Variants in AKAP11 observed in about 807,000 individuals in gnomAD.
The protein encoded by AKAP11 is A-kinase anchoring protein 11, also known as A-kinase anchor protein 11.
In AKAP11, 36 loss-of-function variants were observed where a neutral mutation model predicts 146.1. That is an observed-to-expected ratio of 0.25 (90% CI 0.19 to 0.33). The LOEUF (loss-of-function observed/expected upper bound fraction) is 0.33. Ranked by LOEUF, AKAP11 falls within the 10% of genes least tolerant of loss-of-function variation. The pLI is 1.00. For missense variants in AKAP11, 2,201 were observed against 2,197.0 expected, an observed-to-expected ratio of 1.00 and a Z score of -0.04; for synonymous variants, 780 against 786.5, an observed-to-expected ratio of 0.99 and a Z score of 0.14.
chr13:42,305,622 C>T (rs544891174), intron 8 of AKAP11, among the ~76,000 whole-genome samples: 1 of 151,950 alleles, frequency 6.6e-6, no homozygotes, highest in Non-Finnish European at 1.5e-5. Flanking sequence ...ATTGGGACAC[C>T]ACCATGCTCA....
At chr13:42,291,452 T>C (rs980118884) in intron 3 of AKAP11, among the ~76,000 whole-genome samples, 3 of 152,074 alleles carry the variant, frequency 2.0e-5, no homozygotes, top group Admixed American at 1.3e-4. Flanking sequence ...GGGCTTTCGC[T>C]ATGTTGGCCA....
intron 8 of AKAP11, among the ~76,000 whole-genome samples, chr13:42,304,262 G>A (rs528363131): frequency 7.9e-5 from 12 of 152,304 alleles, no homozygotes; most frequent in African/African-American, 2.4e-4. Context: ...TAAGCGATTC[G>A]TAAGTTTTAA....
chr13:42,319,143 T>C lies in AKAP11; in HGVS notation c.5621T>C (p.Val1874Ala). Residue 1874 changes from valine to alanine, a missense_variant, in exon 13 of 13, where the codon GTG becomes GCG. By Grantham distance (64) the Val-to-Ala change is moderately conservative. Coordinates refer to ENST00000025301, the MANE Select transcript of AKAP11 (RefSeq NM_016248.4). ...AAAGTGGGAGACCTCCTGCAGGCTG[T>C]GCTTCAATACTATGAAGTGATGGAA... ...GWKVGDLLQA[V>A]LQYYEVMEKA... 6.2e-7 allele frequency: 1 copy of C among 1,614,078 alleles called. No homozygotes were observed. Among genetic ancestry groups the C allele is most frequent in the Non-Finnish European group, 8.5e-7 (1 of 1,179,956 alleles).
chr13:42,274,120 A>G (rs1192811562), intron 1 of AKAP11, among the ~76,000 whole-genome samples: 1 of 152,194 alleles, frequency 6.6e-6, no homozygotes, highest in Non-Finnish European at 1.5e-5. Flanking sequence ...TGGTTTTTCA[A>G]AAGTAATTGA....
At chr13:42,287,038 A>G (rs958985114) in intron 3 of AKAP11, among the ~76,000 whole-genome samples, 3 of 152,170 alleles carry the variant, frequency 2.0e-5, no homozygotes, top group African/African-American at 7.2e-5. Flanking sequence ...CTTACACATT[A>G]AGACAATATT....
chr13:42,271,718 C>T (rs1358301731), upstream of AKAP11, among the ~76,000 whole-genome samples: 1 of 152,082 alleles, frequency 6.6e-6, no homozygotes, highest in Non-Finnish European at 1.5e-5. Flanking sequence ...AGGGTTAAGC[C>T]GTTTCCAAGG....
chr13:42,304,833 C>T (rs1476636028), intron 8 of AKAP11, among the ~76,000 whole-genome samples: 1 of 152,070 alleles, frequency 6.6e-6, no homozygotes, highest in East Asian at 1.9e-4. Flanking sequence ...TCACTGCAAC[C>T]TTTGCCTCCC....
At chr13:42,281,683 CTG>C (rs1474485964) in intron 1 of AKAP11, among the ~76,000 whole-genome samples, 1 of 151,972 alleles carries the variant, frequency 6.6e-6, no homozygotes, top group Non-Finnish European at 1.5e-5. Context: ...AAACCAATGT[CTG>C]TACTCATCTA....
At chr13:42,297,212 T>C (rs774160030) in intron 6 of AKAP11, 30 bp downstream of exon 6, 1 of 1,383,980 alleles carries the variant, frequency 7.2e-7, no homozygotes, top group Non-Finnish European at 9.6e-7. Flanking sequence ...TCTAATGAGA[T>C]TTTTAGGGCA....
chr13:42,311,009 G>A (rs1362862127), intron 9 of AKAP11, among the ~76,000 whole-genome samples: 1 of 132,112 alleles, frequency 7.6e-6, no homozygotes, highest in South Asian at 2.5e-4. Flanking sequence ...GATCAGAAAA[G>A]AACTGGTCTC....
At position 42,300,572 on chromosome 13, in the gene AKAP11, A is replaced by T; in HGVS notation, c.1826A>T (p.Glu609Val). The T allele has an allele frequency of 1.2e-6, 2 of 1,614,020 alleles. No homozygotes were observed. The highest frequency in any genetic ancestry group is 2.2e-5 in the South Asian group (2 of 91,032). The change falls in exon 8 of 13, where the codon GAA (glutamate) becomes GTA (valine). Residue 609 changes from glutamate to valine, a missense_variant. Coordinates refer to ENST00000025301, the MANE Select transcript of AKAP11 (RefSeq NM_016248.4). ...AGGCAGCGTGCATTTTCACTAAAAG[A>T]ACGTGCCATTAGTGGCCTGGCTAAC... is the stretch of plus-strand genomic sequence containing the variant. ...LRRQRAFSLK[E>V]RAISGLANFL...
intron 6 of AKAP11, 22 bp from the exon 7 acceptor site, chr13:42,298,511 A>T: frequency 6.2e-7 from 1 of 1,601,828 alleles, no homozygotes; most frequent in Middle Eastern, 1.7e-4. Context: ...AATTGTTTTT[A>T]TTATCTTTTA....
chr13:42,300,265 C>T lies in AKAP11; in HGVS notation c.1519C>T (p.His507Tyr), dbSNP rs745687298. The T allele has an allele frequency of 1.4e-5, 22 of 1,613,786 alleles. No homozygotes were observed. The Admixed American group carries it at 3.5e-4, about 26-fold the overall frequency. Residue 507 changes from histidine to tyrosine, a missense_variant, in exon 8 of 13, where the codon CAC becomes TAC. Physicochemically the swap from His to Tyr is moderately conservative, Grantham distance 83. This residue lies in a region of AKAP11 where 1,867 missense variants were observed against 1,833.5 expected (regional missense o/e 1.02). Coordinates refer to ENST00000025301, the MANE Select transcript of AKAP11 (RefSeq NM_016248.4). ...CEVLGSVLRT[H>Y]HTNTLSNINS... ...AGTACTAGGCTCAGTTCTTCGTACC[C>T]ACCATACTAATACCCTATCAAATAT...
At chr13:42,313,568 G>T (rs761641982) in intron 10 of AKAP11, among the ~76,000 whole-genome samples, 7 of 152,046 alleles carry the variant, frequency 4.6e-5, no homozygotes, top group African/African-American at 1.7e-4. Context: ...CTGGCATTTT[G>T]TAATATTCAA....
rs1959819646 is a variant in AKAP11 at position 42,300,671 on chromosome 13, C to T, written c.1925C>T (p.Thr642Ile). ...QYVKKQIFTN[T>I]VARFAADLAE... ...GTAAAGAAGCAGATATTCACAAACACAGTTGCTAGGTTTGCTGCAGATCTT... is the reference window on the plus strand; with the variant it reads ...GTAAAGAAGCAGATATTCACAAACATAGTTGCTAGGTTTGCTGCAGATCTT... The change falls in exon 8 of 13, where the codon ACA becomes ATA. Residue 642 changes from threonine (T) to isoleucine (I), a missense_variant. By Grantham distance (89) the Thr-to-Ile change is moderately conservative. Around this residue, in one of 3 missense-constraint regions of AKAP11, gnomAD observed 1,867 missense variants for 1,833.5 expected, o/e 1.02. Coordinates refer to ENST00000025301, the MANE Select transcript of AKAP11 (RefSeq NM_016248.4). 2 of 1,614,006 alleles carry T rather than the reference C, an allele frequency of 1.2e-6. No homozygotes were observed. The highest frequency in any genetic ancestry group is 1.7e-6 in the Non-Finnish European group (2 of 1,179,978).
chr13:42,277,395 A>G (rs750057817), intron 1 of AKAP11, among the ~76,000 whole-genome samples: 10 of 152,196 alleles, frequency 6.6e-5, no homozygotes, highest in Non-Finnish European at 1.3e-4. Context: ...AGTTGTGTTT[A>G]TTGTTGCTGA....
At chr13:42,282,369 A>G (rs570368423) in intron 1 of AKAP11, among the ~76,000 whole-genome samples, 3 of 151,484 alleles carry the variant, frequency 2.0e-5, no homozygotes, top group South Asian at 2.1e-4. Context: ...ATTATTTCCA[A>G]TAGCTGAGTA....
At position 42,301,181 on chromosome 13, in the gene AKAP11, C is replaced by T. The variant is rs1306311279; in HGVS notation, c.2435C>T (p.Ser812Leu). ...CATCTGTCATCTGATGATAGTAATT[C>T]AAATGGTGATTCTGCCCAAGTGCAT... The part of the protein sequence containing the change: ...KAHLSSDDSN[S>L]NGDSAQVHIA... Residue 812 changes from serine (S) to leucine (L), a missense_variant, in exon 8 of 13, where the codon TCA (serine) becomes TTA (leucine). This residue lies in a region of AKAP11 where 1,867 missense variants were observed against 1,833.5 expected (regional missense o/e 1.02). Coordinates refer to ENST00000025301, the MANE Select transcript of AKAP11 (RefSeq NM_016248.4). 1 of 1,614,036 alleles carries T rather than the reference C, an allele frequency of 6.2e-7. No homozygotes were observed. Among genetic ancestry groups the T allele is most frequent in the East Asian group, 2.2e-5 (1 of 44,880 alleles).
chr13:42,273,620 T>C (rs2138378023), intron 1 of AKAP11, among the ~76,000 whole-genome samples: 1 of 152,248 alleles, frequency 6.6e-6, no homozygotes, highest in South Asian at 2.1e-4. Context: ...AGCAGTGGAC[T>C]CCTAGGCCAG....
Sources: allele counts gnomAD v4.1 joint callset (sites outside exome capture counted in the v4.1 genomes callset), GRCh38; gene constraint gnomAD v4.1.1; regional missense constraint gnomAD v4.1.1; transcripts MANE v1.5; gene names NCBI Gene and HGNC (gene_info 2026-07-23, HGNC 2026-07-21).